The following DOCK9 variants were observed in gnomAD, a reference collection of about 807,000 sequenced individuals.
The protein encoded by DOCK9 is dedicator of cytokinesis protein 9.
Under a neutral mutation model 263.3 loss-of-function variants are expected in DOCK9, and 89 were observed. The observed-to-expected ratio is 0.34, with a 90% CI of 0.28 to 0.40. The LOEUF (loss-of-function observed/expected upper bound fraction) is 0.40, where lower values mean the gene tolerates loss of function less well. Ranked by LOEUF, DOCK9 falls within the 10% of genes least tolerant of loss-of-function variation. The pLI is 1.00. For missense variants in DOCK9, 2,140 were observed against 2,603.4 expected (o/e 0.82, Z 3.87); for synonymous variants, 976 against 973.1 (o/e 1.00, Z -0.06).
In DOCK9 at chr13:98,809,446, T is replaced by C. The variant is rs768283865; in HGVS notation, c.5273A>G (p.Asp1758Gly). ...RDFERLAHLY[D>G]TLHRAYSKVT... ...TTTGCTGTAGGCCCGGTGCAGCGTGTCATACAGATGGGCCAGCCTCTGGAA... is the reference window on the plus strand; with the variant it reads ...TTTGCTGTAGGCCCGGTGCAGCGTGCCATACAGATGGGCCAGCCTCTGGAA... The change falls in exon 47 of 53, where the codon GAC becomes GGC. Residue 1758 changes from aspartate to glycine, a missense_variant. Asp to Gly is a moderately conservative substitution (Grantham distance 94). Coordinates refer to ENST00000682017, the MANE Select transcript of DOCK9 (RefSeq NM_001366683.2). 6.2e-7 allele frequency: 1 copy of C among 1,607,946 alleles called. No homozygotes were observed. Among genetic ancestry groups the C allele is most frequent in the Non-Finnish European group, 8.5e-7 (1 of 1,177,936 alleles).
chr13:98,981,966 C>T (rs912551372), upstream of DOCK9, among the ~76,000 whole-genome samples: 4 of 152,226 alleles, frequency 2.6e-5, no homozygotes, highest in Non-Finnish European at 5.9e-5. Context: ...CAAACCTGCA[C>T]TGAGCTCCTA....
chr13:98,809,498 T>A (rs751729155), intron 46 of DOCK9, 33 bp from the exon 47 acceptor site: 1 of 1,526,126 alleles, frequency 6.6e-7, no homozygotes, highest in Non-Finnish European at 8.9e-7. Flanking sequence ...TTTCTTCCCA[T>A]GTGCAAAGAG....
intron 1 of DOCK9, among the ~76,000 whole-genome samples, chr13:99,065,985 A>G (rs1001813028): frequency 1.3e-5 from 2 of 152,240 alleles, no homozygotes; most frequent in African/African-American, 4.8e-5. Flanking sequence ...CATCTATAAA[A>G]TACATGTGCA....
At position 98,809,332 on chromosome 13, in the gene DOCK9, A is replaced by G. The variant is rs2091072969; in HGVS notation, c.5367+20T>C. ...TTTTAAAGGACTTAGGACAGTCTGC[A>G]GAATGGACAGGAGGCTCACCTGCCC... is the stretch of plus-strand genomic sequence containing the variant. On this transcript the variant is annotated intron_variant, in intron 47 of 52. Transcript: ENST00000682017. 2 of 1,596,986 alleles carry G rather than the reference A, an allele frequency of 1.3e-6. No homozygotes were observed. Among genetic ancestry groups the G allele is most frequent in the Admixed American group, 1.7e-5 (1 of 59,842 alleles).
chr13:98,798,725 C>T (rs766526201), intron 50 of DOCK9, among the ~76,000 whole-genome samples: 11 of 152,166 alleles, frequency 7.2e-5, no homozygotes, highest in South Asian at 2.1e-4. Flanking sequence ...TACAGAAATA[C>T]GCAAATAAAA....
intron 47 of DOCK9, chr13:98,808,631 T>G (rs1265665116): frequency 3.8e-6 from 6 of 1,573,432 alleles, no homozygotes; most frequent in East Asian, 2.2e-5. Flanking sequence ...AGGCATTTAC[T>G]GTAATTACCT....
chr13:99,030,487 A>G (rs1410501548), intron 1 of DOCK9, among the ~76,000 whole-genome samples: 1 of 152,262 alleles, frequency 6.6e-6, no homozygotes. Flanking sequence ...AGAAATGTCT[A>G]GCTTAAGGGA....
chr13:99,083,080 C>A (rs927179193), intron 1 of DOCK9, among the ~76,000 whole-genome samples: 3 of 152,046 alleles, frequency 2.0e-5, no homozygotes, highest in African/African-American at 7.2e-5. Context: ...CATGATGAAA[C>A]CTCATCTCTA....
At chr13:99,059,123 C>T (rs141677914) in intron 1 of DOCK9, among the ~76,000 whole-genome samples, 4,212 of 152,306 alleles carry the variant, frequency 0.028, 97 homozygotes, top group South Asian at 0.062. Context: ...ATCACACCCA[C>T]GACTGTGGCT....
At chr13:99,066,062 A>G (rs2041400797) in intron 1 of DOCK9, among the ~76,000 whole-genome samples, 1 of 152,240 alleles carries the variant, frequency 6.6e-6, no homozygotes, top group Admixed American at 6.5e-5. Context: ...AACATGACCC[A>G]CACACGTCCT....
chr13:98,809,095 A>G, intron 47 of DOCK9: 1 of 1,541,262 alleles, frequency 6.5e-7, no homozygotes, highest in Non-Finnish European at 8.7e-7. Context: ...AGATGTTGCT[A>G]AGAATGTCTT....
At chr13:99,078,275 C>T (rs1176477024) in intron 1 of DOCK9, among the ~76,000 whole-genome samples, 1 of 151,998 alleles carries the variant, frequency 6.6e-6, no homozygotes, top group Admixed American at 6.6e-5. Context: ...TGCCCCCCTT[C>T]GGAGTGAAGG....
intron 30 of DOCK9, among the ~76,000 whole-genome samples, chr13:98,863,997 A>C (rs1266845399): frequency 1.3e-5 from 2 of 152,256 alleles, no homozygotes; most frequent in Admixed American, 1.3e-4. Context: ...ATGGCTCATT[A>C]AAATGTTATT....
intron 1 of DOCK9, among the ~76,000 whole-genome samples, chr13:98,973,437 T>C (rs1190466885): frequency 6.6e-6 from 1 of 152,240 alleles, no homozygotes; most frequent in East Asian, 1.9e-4. Flanking sequence ...CAAGTCCTAC[T>C]ACTACTTTCT....
chr13:98,990,011 C>T (rs530380506), intron 1 of DOCK9, among the ~76,000 whole-genome samples: 4 of 152,090 alleles, frequency 2.6e-5, no homozygotes, highest in Admixed American at 1.3e-4. Flanking sequence ...GTATACTTTC[C>T]CAGAACAAAA....
At chr13:98,947,506 A>ATTTTTTTT (rs35004750) in intron 2 of DOCK9, among the ~76,000 whole-genome samples, 6 of 123,798 alleles carry the variant, frequency 4.8e-5, no homozygotes, top group African/African-American at 1.3e-4. Context: ...TCTATTCAGA[A>ATTTTTTTT]TTTTTTTTTT....
chr13:98,794,915 A>G (rs2089169360), intron 52 of DOCK9, among the ~76,000 whole-genome samples, 167 bp from the exon 53 acceptor site: 1 of 152,198 alleles, frequency 6.6e-6, no homozygotes, highest in Non-Finnish European at 1.5e-5. Context: ...ATGCAAGCAG[A>G]TATTTCTCAA....
At chr13:99,001,064 A>G (rs539710537) in intron 1 of DOCK9, among the ~76,000 whole-genome samples, 1 of 152,334 alleles carries the variant, frequency 6.6e-6, no homozygotes, top group East Asian at 1.9e-4. Context: ...GTCAGCACTT[A>G]CCTCTCAGCA....
intron 15 of DOCK9, among the ~76,000 whole-genome samples, chr13:98,893,278 T>C (rs763573079): frequency 6.6e-6 from 1 of 152,168 alleles, no homozygotes; most frequent in Non-Finnish European, 1.5e-5. Context: ...GCAAAAACTT[T>C]AGTAGTATTA....
Sources: gnomAD v4.1 joint callset for allele counts (sites outside exome capture counted in the v4.1 genomes callset) on GRCh38, gnomAD v4.1.1 for gene constraint, MANE v1.5 for transcripts, NCBI Gene and HGNC (gene_info 2026-07-23, HGNC 2026-07-21) for gene names.